Variants in NRG3 observed in about 807,000 individuals in gnomAD.
NRG3 encodes the protein neuregulin 3.
A neutral mutation model predicts 66.9 loss-of-function variants in NRG3; 31 were observed. That is an observed-to-expected ratio of 0.46 (90% CI 0.35 to 0.63). The LOEUF is 0.63. Among genes scored for constraint, NRG3 ranks in the 20% least tolerant of loss-of-function variants. The probability of loss-of-function intolerance (pLI) is 0.00; values close to 1 mark genes in which losing one functional copy is unlikely to be tolerated. For missense variants in NRG3, 910 were observed against 878.9 expected (o/e 1.04, Z -0.45); for synonymous variants, 393 against 359.4 (o/e 1.09, Z -1.06).
chr10:82,397,394 A>G (rs914264565), intron 2 of NRG3, among the ~76,000 whole-genome samples: 3 of 152,164 alleles, frequency 2.0e-5, no homozygotes, highest in Non-Finnish European at 2.9e-5. Flanking sequence ...TGAAAAGCAA[A>G]CTCATCTTGT....
intron 2 of NRG3, among the ~76,000 whole-genome samples, chr10:82,709,414 T>C (rs959518269): frequency 4.6e-5 from 7 of 151,920 alleles, no homozygotes; most frequent in Admixed American, 1.3e-4. Flanking sequence ...ATGGACTCTT[T>C]CTCTGTCACC....
chr10:82,243,766 C>T (rs61863009), intron 1 of NRG3, among the ~76,000 whole-genome samples: 19,249 of 152,094 alleles, frequency 0.13, 1,289 homozygotes, highest in African/African-American at 0.14. Flanking sequence ...AGTTTTTAAC[C>T]TGGAGGAAAC....
intron 1 of NRG3, among the ~76,000 whole-genome samples, chr10:82,052,408 T>C (rs2063644620): frequency 6.6e-6 from 1 of 151,992 alleles, no homozygotes; most frequent in Non-Finnish European, 1.5e-5. Context: ...GCCAACCACA[T>C]TCCAAGAACT....
intron 2 of NRG3, among the ~76,000 whole-genome samples, chr10:82,578,086 A>G (rs1342378390): frequency 6.6e-6 from 1 of 151,474 alleles, no homozygotes; most frequent in South Asian, 2.1e-4. Flanking sequence ...TGTTCATTAC[A>G]GCAATGGTGA....
intron 1 of NRG3, among the ~76,000 whole-genome samples, chr10:82,060,933 C>G (rs2133229949): frequency 6.6e-6 from 1 of 152,316 alleles, no homozygotes; most frequent in Non-Finnish European, 1.5e-5. Context: ...GGAAGGAGTT[C>G]AGTCTTTGAG....
chr10:82,219,881 A>G (rs1456345674), intron 1 of NRG3, among the ~76,000 whole-genome samples: 1 of 152,138 alleles, frequency 6.6e-6, no homozygotes, highest in Non-Finnish European at 1.5e-5. Flanking sequence ...AAAAGGGAAT[A>G]ATACAGTATC....
At chr10:82,590,095 G>C (rs140442047) in intron 2 of NRG3, among the ~76,000 whole-genome samples, 1,622 of 152,274 alleles carry the variant, frequency 0.011, 19 homozygotes, top group Non-Finnish European at 0.014. Context: ...GAGTCTTGCT[G>C]TATCTACCAT....
chr10:82,397,345 T>C (rs1351754892), intron 2 of NRG3, among the ~76,000 whole-genome samples: 2 of 152,166 alleles, frequency 1.3e-5, no homozygotes, highest in African/African-American at 4.8e-5. Flanking sequence ...TGGATAATCT[T>C]GAAGTTGAAT....
intron 1 of NRG3, among the ~76,000 whole-genome samples, chr10:82,009,527 C>T (rs527829840): frequency 2.6e-4 from 40 of 152,252 alleles, no homozygotes; most frequent in Non-Finnish European, 4.9e-4. Flanking sequence ...CACGACTTCC[C>T]CTGCCAACCT....
chr10:81,938,924 T>C (rs1036886649), intron 1 of NRG3, among the ~76,000 whole-genome samples: 30 of 152,014 alleles, frequency 2.0e-4, no homozygotes, highest in African/African-American at 7.0e-4. Flanking sequence ...ATATGCTGGG[T>C]AATTTTCTTC....
chr10:82,636,223 ATGTG>A (rs373906092), intron 2 of NRG3, among the ~76,000 whole-genome samples: 3 of 51,236 alleles, frequency 5.9e-5, no homozygotes, highest in Admixed American at 2.0e-4. Flanking sequence ...CTATCTACAT[ATGTG>A]TGTGTGTGTG....
intron 2 of NRG3, among the ~76,000 whole-genome samples, chr10:82,704,323 C>T (rs1046305884): frequency 4.6e-5 from 7 of 152,274 alleles, no homozygotes; most frequent in African/African-American, 1.4e-4. Flanking sequence ...GCAAGGCCAA[C>T]ATCTAAGTGT....
At chr10:82,635,000 C>T (rs1170363270) in intron 2 of NRG3, among the ~76,000 whole-genome samples, 4 of 152,142 alleles carry the variant, frequency 2.6e-5, no homozygotes, top group Non-Finnish European at 5.9e-5. Context: ...AATCTAGAAC[C>T]TTCTTCTTAA....
intron 2 of NRG3, among the ~76,000 whole-genome samples, chr10:82,512,725 C>CT (rs1474273511): frequency 6.6e-6 from 1 of 152,030 alleles, no homozygotes; most frequent in African/African-American, 2.4e-5. Flanking sequence ...TTTTTCCTTG[C>CT]TTCTCTTTTT....
chr10:82,206,348 A>G (rs2075114439), intron 1 of NRG3, among the ~76,000 whole-genome samples: 1 of 152,170 alleles, frequency 6.6e-6, no homozygotes, highest in Non-Finnish European at 1.5e-5. Context: ...TTGGTTTAAT[A>G]GCCAGTTCTT....
At chr10:82,453,686 A>G (rs973169313) in intron 2 of NRG3, among the ~76,000 whole-genome samples, 2 of 152,126 alleles carry the variant, frequency 1.3e-5, no homozygotes, top group East Asian at 1.9e-4. Flanking sequence ...TTGAGCTAAA[A>G]AAAAAAAAAA....
At chr10:81,934,857 G>A (rs1847715271) in intron 1 of NRG3, among the ~76,000 whole-genome samples, 1 of 152,044 alleles carries the variant, frequency 6.6e-6, no homozygotes, top group South Asian at 2.1e-4. Flanking sequence ...TAATGTTTTT[G>A]TATCATCTTC....
At chr10:82,828,275 C>G (rs1263958515) in intron 3 of NRG3, among the ~76,000 whole-genome samples, 4 of 152,176 alleles carry the variant, frequency 2.6e-5, no homozygotes, top group African/African-American at 4.8e-5. Context: ...ATCCGGACAC[C>G]CAGGAATAAG....
In NRG3 at chr10:82,973,899, T is replaced by G. The variant is rs749316186; in HGVS notation, c.1396T>G (p.Ser466Ala). 1 of 1,614,046 alleles carries G rather than the reference T, an allele frequency of 6.2e-7. No individual in the cohort carries two copies. ...EVPSPDRGSQ[S>A]VKHHRSLSSC... The stretch of plus-strand genomic sequence containing the variant: ...CCCTTCTCCTGACAGAGGAAGCCAG[T>G]CTGTCAAACACCACAGGTACAAGTA... Residue 466 changes from serine to alanine, a missense_variant, in exon 7 of 9, where the codon TCT becomes GCT. Physicochemically the swap from Ser to Ala is moderately conservative, Grantham distance 99. Coordinates refer to ENST00000372141, the MANE Select transcript of NRG3 (RefSeq NM_001010848.4).
Sources: allele counts gnomAD v4.1 joint callset (sites outside exome capture counted in the v4.1 genomes callset), GRCh38; gene constraint gnomAD v4.1.1; transcripts MANE v1.5; gene names NCBI Gene and HGNC (gene_info 2026-07-23, HGNC 2026-07-21).